STAT4: variants seen among roughly 807,000 people sequenced by gnomAD.
The protein encoded by STAT4 is signal transducer and activator of transcription 4.
A neutral mutation model predicts 110.5 loss-of-function variants in STAT4; 42 were observed. The observed-to-expected ratio is 0.38, with a 90% CI of 0.30 to 0.49. The LOEUF (loss-of-function observed/expected upper bound fraction) is 0.49, where lower values mean the gene tolerates loss of function less well. Ranked by LOEUF, STAT4 falls within the 20% of genes least tolerant of loss-of-function variation. The pLI is 0.95. For synonymous variants in STAT4, 284 were observed against 302.2 expected, an observed-to-expected ratio of 0.94 and a Z score of 0.63; for missense variants, 632 against 887.9, an observed-to-expected ratio of 0.71 and a Z score of 3.66.
At chr2:191,034,497 A>T (rs751680956) in intron 18 of STAT4, 51 bp downstream of exon 18, 3 of 1,373,728 alleles carry the variant, frequency 2.2e-6, no homozygotes, top group African/African-American at 2.9e-5. Flanking sequence ...TTAGAAAGGA[A>T]CATTGTATTA....
chr2:191,057,437 G>C (rs1221425206), intron 13 of STAT4, among the ~76,000 whole-genome samples: 1 of 151,944 alleles, frequency 6.6e-6, no homozygotes, highest in South Asian at 2.1e-4. Context: ...AAAATATACT[G>C]ACCAACTACT....
In STAT4 at chr2:191,086,949, G is replaced by C. The variant is rs1697650599; in HGVS notation, c.274-10624C>G. 6.6e-6 allele frequency among the ~76,000 whole-genome samples: 1 copy of C among 152,112 alleles called. No homozygotes were observed. The highest frequency in any genetic ancestry group is 1.5e-5 in the Non-Finnish European group (1 of 68,020). ...TTGAACTACAATCCAGAAGAATCTG[G>C]ATTGCAGTGGCAATCTGAAGTGCCT... is the stretch of plus-strand genomic sequence containing the variant. On this transcript the variant is annotated intron_variant, in intron 3 of 23. Transcript: ENST00000392320. This position sits in a 1 kb window ranked among gnomAD's most constrained non-coding sequence, Gnocchi z 5.5.
rs549771218 is a variant in STAT4, at chr2:191,035,795, A to C, written c.1570+369T>G. On this transcript the variant is annotated intron_variant, in intron 17 of 23. Coordinates refer to ENST00000392320, the MANE Select transcript of STAT4 (RefSeq NM_003151.4). The surrounding 1 kb of genome is among the most constrained non-coding windows in gnomAD (Gnocchi z 4.7). ...TCATATGAGGCACCATTAAGGGTTC[A>C]CCTCATATTTAGTGGAAATATACCC... is the stretch of plus-strand genomic sequence containing the variant. Among the ~76,000 whole-genome samples the C allele has an allele frequency of 1.8e-4, 28 of 152,330 alleles. No individual in the cohort carries two copies. The highest frequency in any genetic ancestry group is 3.4e-3 in the Middle Eastern group (1 of 294).
chr2:191,073,474 C>T (rs1278023203), intron 4 of STAT4, among the ~76,000 whole-genome samples: 2 of 152,098 alleles, frequency 1.3e-5, no homozygotes, highest in Non-Finnish European at 2.9e-5. Flanking sequence ...ATTGCCTGAG[C>T]TCAAGAGTTT....
In STAT4 at chr2:191,148,622, T is replaced by C. The variant is rs1222588762; in HGVS notation, c.-1-418A>G. Among the ~76,000 whole-genome samples, 5 of 152,194 alleles carry C rather than the reference T, an allele frequency of 3.3e-5. No homozygotes were observed. In the East Asian group the frequency reaches 7.7e-4, roughly 23 times the overall value. On this transcript the variant is annotated intron_variant, in intron 1 of 23. Coordinates refer to ENST00000392320, the MANE Select transcript of STAT4 (RefSeq NM_003151.4). Reference sequence around the variant, plus strand: ...TACCTCCTAAAACCCTCTAAGACTTTATATGTGAGGAACAACCCCCCAAGA... The same window carrying C: ...TACCTCCTAAAACCCTCTAAGACTTCATATGTGAGGAACAACCCCCCAAGA...
At position 191,058,818 on chromosome 2, in the gene STAT4, T is replaced by C. The variant is rs1696774174; in HGVS notation, c.1035-49A>G. 2 of 1,103,588 alleles carry C rather than the reference T, an allele frequency of 1.8e-6. No individual in the cohort carries two copies. Among genetic ancestry groups the C allele is most frequent in the Non-Finnish European group, 2.7e-6 (2 of 751,504 alleles). 68.4% of individuals were successfully genotyped at this position (1,103,588 alleles called of 1,614,324 possible). On this transcript the variant is annotated intron_variant, in intron 10 of 23. Transcript: ENST00000392320. The surrounding 1 kb of genome is among the most constrained non-coding windows in gnomAD (Gnocchi z 4.3). ...AAATCAAAGATAAAAATTAAAAGTG[T>C]TTAAAAACCCTTTTTTATATTTAAA...
chr2:191,051,980 T>C lies in STAT4; in HGVS notation c.1251+2510A>G, dbSNP rs75134431. Among the ~76,000 whole-genome samples, 998 of 152,344 alleles carry C rather than the reference T, an allele frequency of 6.6e-3. 8 individuals carry two copies. The highest frequency in any genetic ancestry group is 0.028 in the East Asian group (143 of 5,190). On this transcript the variant is annotated intron_variant, in intron 14 of 23. Coordinates refer to ENST00000392320, the MANE Select transcript of STAT4 (RefSeq NM_003151.4). This position sits in a 1 kb window ranked among gnomAD's most constrained non-coding sequence, Gnocchi z 5.6. ...GAAGCTCTTAGTGTCCAGTATATAG[T>C]AAATGCCACACGAGGATTGTTGAAG...
In STAT4 at chr2:191,112,922, G is replaced by T. The variant is rs1348521818; in HGVS notation, c.273+33691C>A. Among the ~76,000 whole-genome samples the T allele has an allele frequency of 6.6e-6, 1 of 152,214 alleles. No individual in the cohort carries two copies. The highest frequency in any genetic ancestry group is 1.9e-4 in the East Asian group (1 of 5,204). ...AATAGAGCAAATATATTAAGAAAAA[G>T]AATCTTTTAGCCCTGCACTGTACTA... On this transcript the variant is annotated intron_variant, in intron 3 of 23. Coordinates refer to ENST00000392320, the MANE Select transcript of STAT4 (RefSeq NM_003151.4). This position sits in a 1 kb window ranked among gnomAD's most constrained non-coding sequence, Gnocchi z 4.3.
chr2:191,035,772 A>T lies in STAT4; in HGVS notation c.1570+392T>A, dbSNP rs1696026326. Among the ~76,000 whole-genome samples the T allele has an allele frequency of 6.6e-6, 1 of 152,266 alleles. No individual in the cohort carries two copies. The highest frequency in any genetic ancestry group is 1.5e-5 in the Non-Finnish European group (1 of 68,046). ...AATTGAGACGTTCGTATGAACGATCATATGAGGCACCATTAAGGGTTCACC... is the reference window on the plus strand; with the variant it reads ...AATTGAGACGTTCGTATGAACGATCTTATGAGGCACCATTAAGGGTTCACC... On this transcript the variant is annotated intron_variant, in intron 17 of 23. Transcript: ENST00000392320. The surrounding 1 kb of genome is among the most constrained non-coding windows in gnomAD (Gnocchi z 4.7).
Position 191,058,783 on chromosome 2 carries a change from T to G in STAT4, c.1035-14A>C, listed in dbSNP as rs778254591. On this transcript the variant is annotated splice_polypyrimidine_tract_variant and intron_variant, in intron 10 of 23. Transcript: ENST00000392320. The surrounding 1 kb of genome is among the most constrained non-coding windows in gnomAD (Gnocchi z 4.3). Reference sequence around the variant, plus strand: ...TTTATTAGTAGCCTGGAAAGAGATATCAATAAAAAAAATCAAAGATAAAAA... The same window carrying G: ...TTTATTAGTAGCCTGGAAAGAGATAGCAATAAAAAAAATCAAAGATAAAAA... The G allele has an allele frequency of 1.3e-6, 2 of 1,513,484 alleles. No homozygotes were observed. The highest frequency in any genetic ancestry group is 1.4e-5 in the African/African-American group (1 of 72,262). 93.8% of individuals were successfully genotyped at this position (1,513,484 alleles called of 1,614,324 possible).
rs1434219408 is a variant in STAT4 at position 191,138,135 on chromosome 2, A to G, written c.273+8478T>C. 1.3e-5 allele frequency among the ~76,000 whole-genome samples: 2 copies of G among 152,174 alleles called. No homozygotes were observed. Among genetic ancestry groups the G allele is most frequent in the African/African-American group, 4.8e-5 (2 of 41,452 alleles). On this transcript the variant is annotated intron_variant, in intron 3 of 23. Coordinates refer to ENST00000392320, the MANE Select transcript of STAT4 (RefSeq NM_003151.4). This position sits in a 1 kb window ranked among gnomAD's most constrained non-coding sequence, Gnocchi z 4.3. ...CTGACAAAAGGCTAATATCCAGACT[A>G]TAAAAGGAACTCAAACTATTCAACA...
Position 191,039,388 on chromosome 2 carries a change from C to T in STAT4, c.1336-91G>A. 1 of 1,075,436 alleles carries T rather than the reference C, an allele frequency of 9.3e-7. No homozygotes were observed. The highest frequency in any genetic ancestry group is 1.4e-6 in the Non-Finnish European group (1 of 699,660). 66.6% of individuals were successfully genotyped at this position (1,075,436 alleles called of 1,614,324 possible). On this transcript the variant is annotated intron_variant, in intron 15 of 23. Transcript: ENST00000392320. This position sits in a 1 kb window ranked among gnomAD's most constrained non-coding sequence, Gnocchi z 4.7. Reference sequence around the variant, plus strand: ...ACCCTCGCCTCTAAAGGGCCAATCTCAAGCCAGCCCCACACCTCCAGTCCT... The same window carrying T: ...ACCCTCGCCTCTAAAGGGCCAATCTTAAGCCAGCCCCACACCTCCAGTCCT...
At chr2:191,118,552 T>C (rs1459575716) in intron 3 of STAT4, among the ~76,000 whole-genome samples, 1 of 152,214 alleles carries the variant, frequency 6.6e-6, no homozygotes. Flanking sequence ...CAGATATAGT[T>C]TTTTAATAGT....
At chr2:191,088,106 G>A (rs1369788713) in intron 3 of STAT4, among the ~76,000 whole-genome samples, 1 of 152,068 alleles carries the variant, frequency 6.6e-6, no homozygotes, top group East Asian at 1.9e-4. Flanking sequence ...AATTTTCTTT[G>A]TTCACAGGTG....
chr2:191,069,658 C>T (rs1458500442), intron 6 of STAT4, 35 bp downstream of exon 6: 2 of 1,519,798 alleles, frequency 1.3e-6, no homozygotes, highest in Non-Finnish European at 1.8e-6. Context: ...GCCTTTTTGT[C>T]TCTATGCATA....
At chr2:191,081,684 T>G (rs1433097931) in intron 3 of STAT4, among the ~76,000 whole-genome samples, 4 of 152,142 alleles carry the variant, frequency 2.6e-5, no homozygotes, top group African/African-American at 9.6e-5. Flanking sequence ...CATAAAGTTC[T>G]TATTCTTAGA....
intron 6 of STAT4, among the ~76,000 whole-genome samples, chr2:191,069,403 C>T (rs960741762): frequency 1.3e-5 from 2 of 151,722 alleles, no homozygotes; most frequent in Non-Finnish European, 2.9e-5. Context: ...TTTTAGAGAC[C>T]TATGCTGAAG....
Position 191,073,684 on chromosome 2 carries a change from C to T in STAT4, c.373-494G>A, listed in dbSNP as rs1429028054. 6.5e-5 allele frequency among the ~76,000 whole-genome samples: 7 copies of T among 108,020 alleles called. No homozygotes were observed. In the South Asian group the frequency reaches 1.4e-3, roughly 22 times the overall value. 70.9% of individuals were successfully genotyped at this position (108,020 alleles called of 152,430 possible). A position where few individuals can be genotyped will look rare whatever the true frequency, so the allele number is the denominator to read the frequency against. ...CAGCCTGGGCGACAGAGCGAGACTC[C>T]GTCTCAAACAAACAAACAAACAAAC... is the stretch of plus-strand genomic sequence containing the variant. On this transcript the variant is annotated intron_variant, in intron 4 of 23. Transcript: ENST00000392320.
At chr2:191,133,958 G>A (rs1463134374) in intron 3 of STAT4, among the ~76,000 whole-genome samples, 1 of 152,164 alleles carries the variant, frequency 6.6e-6, no homozygotes, top group Non-Finnish European at 1.5e-5. Context: ...AAGACACAAA[G>A]GAACCTTAAA....
Sources: gnomAD v4.1 joint callset for allele counts (sites outside exome capture counted in the v4.1 genomes callset) on GRCh38, gnomAD v4.1.1 for gene constraint, Gnocchi (gnomAD v3.1) non-coding constraint, MANE v1.5 for transcripts, NCBI Gene and HGNC (gene_info 2026-07-23, HGNC 2026-07-21) for gene names.